Variants in DPP10 observed in about 807,000 individuals in gnomAD.
DPP10 encodes dipeptidyl peptidase like 10, also known as inactive dipeptidyl peptidase 10.
A neutral mutation model predicts 120.9 loss-of-function variants in DPP10; 33 were observed. The observed-to-expected ratio is 0.27, with a 90% CI of 0.21 to 0.37. DPP10 has a LOEUF of 0.37. Among genes scored for constraint, DPP10 ranks in the 10% least tolerant of loss-of-function variants. DPP10 has a pLI of 1.00. For synonymous variants in DPP10, 337 were observed against 326.1 expected, an observed-to-expected ratio of 1.03 and a Z score of -0.36; for missense variants, 816 against 942.8, an observed-to-expected ratio of 0.87 and a Z score of 1.76.
At chr2:115,056,554 C>A (rs75446528) in intron 1 of DPP10, among the ~76,000 whole-genome samples, 6,182 of 152,148 alleles carry the variant, frequency 0.041, 212 homozygotes, top group East Asian at 0.17. Context: ...GAGATTGGGT[C>A]TTCTGTGTTG....
rs1690287979 is a variant in DPP10 at position 115,842,848 on chromosome 2, T to A, written c.*503T>A. ...AATATTCAGTTAATAAAAAACAGAG[T>A]ATTTTATGTAATTTCTGTTTTTAAA... On this transcript the variant is annotated 3_prime_UTR_variant, in exon 26 of 26. Transcript: ENST00000410059. 1 of 152,686 alleles carries A rather than the reference T, an allele frequency of 6.5e-6. No individual in the cohort carries two copies. Among genetic ancestry groups the A allele is most frequent in the South Asian group, 2.1e-4 (1 of 4,836 alleles). The allele number at this position is 152,686 out of a possible 1,614,324, so 9.5% of individuals were successfully genotyped here. A position where few individuals can be genotyped will look rare whatever the true frequency, so the allele number is the denominator to read the frequency against.
intron 1 of DPP10, among the ~76,000 whole-genome samples, chr2:114,821,250 A>AT (rs1686062376): frequency 6.6e-6 from 1 of 152,182 alleles, no homozygotes; most frequent in Non-Finnish European, 1.5e-5. Flanking sequence ...GCAGGGCACC[A>AT]TGATGTTCTA....
intron 2 of DPP10, among the ~76,000 whole-genome samples, chr2:115,316,690 C>G (rs1363619929): frequency 6.6e-6 from 1 of 152,102 alleles, no homozygotes; most frequent in Non-Finnish European, 1.5e-5. Context: ...CATTATACAA[C>G]TTTAATAGTT....
intron 5 of DPP10, among the ~76,000 whole-genome samples, chr2:115,597,958 A>G (rs189922201): frequency 3.3e-5 from 5 of 152,204 alleles, no homozygotes; most frequent in Admixed American, 3.3e-4. Flanking sequence ...GTTATTAGGT[A>G]TATAAACATG....
At chr2:114,706,754 C>T (rs916874007) in intron 1 of DPP10, among the ~76,000 whole-genome samples, 2 of 152,138 alleles carry the variant, frequency 1.3e-5, no homozygotes, top group Non-Finnish European at 2.9e-5. Flanking sequence ...GTTCAACCCA[C>T]TACAGATCTC....
At chr2:115,056,729 CTCAAAATGGA>C (rs1705951596) in intron 1 of DPP10, among the ~76,000 whole-genome samples, 2 of 152,108 alleles carry the variant, frequency 1.3e-5, no homozygotes, top group African/African-American at 4.8e-5. Context: ...CTCCAAATGG[CTCAAAATGGA>C]GGCAAAGGAG....
At chr2:114,719,874 A>G (rs1034412905) in intron 1 of DPP10, among the ~76,000 whole-genome samples, 1 of 152,188 alleles carries the variant, frequency 6.6e-6, no homozygotes, top group African/African-American at 2.4e-5. Flanking sequence ...TTCAATAGCA[A>G]TGGACTTGAA....
intron 2 of DPP10, among the ~76,000 whole-genome samples, chr2:115,338,248 A>C (rs1021139845): frequency 1.3e-5 from 2 of 152,114 alleles, no homozygotes; most frequent in Admixed American, 1.3e-4. Flanking sequence ...TAAGAATTCA[A>C]CGTGCTTGGT....
intron 1 of DPP10, among the ~76,000 whole-genome samples, chr2:114,567,527 G>A (rs1248688894): frequency 1.3e-5 from 2 of 152,090 alleles, no homozygotes; most frequent in Non-Finnish European, 2.9e-5. Context: ...GAACGTATGA[G>A]GCATCTAGAA....
intron 1 of DPP10, among the ~76,000 whole-genome samples, chr2:115,072,982 C>T (rs1056690444): frequency 1.3e-5 from 2 of 152,064 alleles, no homozygotes; most frequent in Admixed American, 6.5e-5. Context: ...GGGGTTTCAC[C>T]CTGTTGGCCA....
chr2:115,188,772 C>T (rs1452180313), intron 1 of DPP10, among the ~76,000 whole-genome samples: 1 of 151,908 alleles, frequency 6.6e-6, no homozygotes, highest in Non-Finnish European at 1.5e-5. Context: ...ATTATATATA[C>T]TTTTACCCCT....
At chr2:114,563,858 G>A (rs747560890) in intron 1 of DPP10, among the ~76,000 whole-genome samples, 13 of 152,114 alleles carry the variant, frequency 8.5e-5, no homozygotes, top group Non-Finnish European at 1.6e-4. Flanking sequence ...CACCTTTCCC[G>A]GTGTCCAACT....
At chr2:114,849,367 T>C (rs1688775244) in intron 1 of DPP10, among the ~76,000 whole-genome samples, 1 of 152,138 alleles carries the variant, frequency 6.6e-6, no homozygotes, top group African/African-American at 2.4e-5. Context: ...TTTTATGTTT[T>C]GAAACAAAGT....
chr2:114,927,071 G>A (rs1476852580), intron 1 of DPP10, among the ~76,000 whole-genome samples: 4 of 151,854 alleles, frequency 2.6e-5, no homozygotes, highest in South Asian at 2.1e-4. Context: ...GAATGGTCTC[G>A]AGCTCCTGAC....
At chr2:114,535,296 T>G (rs1263863150) in intron 1 of DPP10, among the ~76,000 whole-genome samples, 2 of 152,216 alleles carry the variant, frequency 1.3e-5, no homozygotes, top group Non-Finnish European at 1.5e-5. Context: ...ACAATTACTT[T>G]TGGCATCATT....
At chr2:115,770,963 T>G (rs1412907214) in intron 13 of DPP10, among the ~76,000 whole-genome samples, 2 of 152,296 alleles carry the variant, frequency 1.3e-5, no homozygotes, top group East Asian at 1.9e-4. Flanking sequence ...TCTTACAACA[T>G]TTAATTGTAT....
intron 24 of DPP10, 97 bp downstream of exon 24, chr2:115,836,843 T>G: frequency 9.3e-7 from 1 of 1,080,970 alleles, no homozygotes; most frequent in South Asian, 1.7e-5. Flanking sequence ...GTAAACCTTC[T>G]GAAGAAGGGA....
intron 1 of DPP10, among the ~76,000 whole-genome samples, chr2:115,120,143 A>G (rs2049746430): frequency 6.6e-6 from 1 of 152,246 alleles, no homozygotes; most frequent in Admixed American, 6.5e-5. Context: ...TTAAAGTTTT[A>G]TCCATGTCAT....
At chr2:115,228,613 G>C (rs2057568840) in intron 1 of DPP10, among the ~76,000 whole-genome samples, 1 of 151,758 alleles carries the variant, frequency 6.6e-6, no homozygotes, top group Admixed American at 6.6e-5. Context: ...CCACAAATAA[G>C]TAAGAACATG....
Sources: allele counts gnomAD v4.1 joint callset (sites outside exome capture counted in the v4.1 genomes callset), GRCh38; gene constraint gnomAD v4.1.1; transcripts MANE v1.5; gene names NCBI Gene and HGNC (gene_info 2026-07-23, HGNC 2026-07-21).